CACNA1E: variants seen among roughly 807,000 people sequenced by gnomAD.
CACNA1E encodes calcium voltage-gated channel subunit alpha1 E.
CACNA1E carries 40 observed loss-of-function variants against 259.2 expected under a neutral mutation model. The observed-to-expected ratio is 0.15, with a 90% CI of 0.12 to 0.20. The LOEUF is 0.20. Among genes scored for constraint, CACNA1E ranks in the 10% least tolerant of loss-of-function variants. The pLI, the probability that CACNA1E is intolerant of heterozygous loss-of-function variation, is 1.00. For missense variants in CACNA1E, 1,874 were observed against 3,040.1 expected (o/e 0.62, Z 9.02); for synonymous variants, 1,104 against 1,138.5 (o/e 0.97, Z 0.61).
At chr1:181,617,169 G>A (rs1655296284) in intron 6 of CACNA1E, among the ~76,000 whole-genome samples, 1 of 151,584 alleles carries the variant, frequency 6.6e-6, no homozygotes, top group Admixed American at 6.6e-5. Context: ...ATTTATTTTT[G>A]TTTTTATTTA....
At position 181,806,332 on chromosome 1, in the gene CACNA1E, G is replaced by A. The variant is rs1662622927; in HGVS notation, c.*7498G>A. 6.6e-6 allele frequency: 1 copy of A among 152,210 alleles called. No individual in the cohort carries two copies. The highest frequency in any genetic ancestry group is 6.5e-5 in the Admixed American group (1 of 15,272). The allele number at this position is 152,210 out of a possible 1,614,324, so 9.4% of individuals were successfully genotyped here. A position where few individuals can be genotyped will look rare whatever the true frequency, so the allele number is the denominator to read the frequency against. ...TCAAATAACAACATTGCAAGGAGGT[G>A]GACTACAGGGTCCACACCCTCTGTC... On this transcript the variant is annotated 3_prime_UTR_variant, in exon 48 of 48. Coordinates refer to ENST00000367573, the MANE Select transcript of CACNA1E (RefSeq NM_001205293.3).
At chr1:181,692,582 G>A (rs1651277086) in intron 7 of CACNA1E, among the ~76,000 whole-genome samples, 1 of 152,132 alleles carries the variant, frequency 6.6e-6, no homozygotes, top group Non-Finnish European at 1.5e-5. Context: ...AACAATGCTG[G>A]GATAGCTGGT....
At chr1:181,355,451 G>A (rs1272423038) in intron 1 of CACNA1E, among the ~76,000 whole-genome samples, 1 of 152,150 alleles carries the variant, frequency 6.6e-6, no homozygotes, top group East Asian at 1.9e-4. Flanking sequence ...AGCAGTGCAT[G>A]ATGGCACGTG....
At chr1:181,795,560 C>A (rs1462334922) in intron 46 of CACNA1E, among the ~76,000 whole-genome samples, 1 of 151,710 alleles carries the variant, frequency 6.6e-6, no homozygotes, top group Non-Finnish European at 1.5e-5. Context: ...CCTGCCTCAG[C>A]CTCCTGAATA....
In CACNA1E at chr1:181,725,813, G is replaced by A. The variant is rs540777684; in HGVS notation, c.2143-252G>A. Among the ~76,000 whole-genome samples the A allele has an allele frequency of 1.7e-4, 26 of 152,376 alleles. No homozygotes were observed. The South Asian group carries it at 5.4e-3, about 32-fold the overall frequency. On this transcript the variant is annotated intron_variant, in intron 17 of 47. Coordinates refer to ENST00000367573, the MANE Select transcript of CACNA1E (RefSeq NM_001205293.3). ...TTCTCCTGGTTCTCATGAGCAACCT[G>A]TGGATGGCTCCAGGATGGAGACAGG...
chr1:181,790,776 G>A (rs1661233722), intron 44 of CACNA1E, among the ~76,000 whole-genome samples: 4 of 152,250 alleles, frequency 2.6e-5, no homozygotes, highest in Admixed American at 2.6e-4. Context: ...TCCCTTCCCT[G>A]CAGCAGGAAC....
At chr1:181,708,927 G>A (rs776354831) in intron 7 of CACNA1E, among the ~76,000 whole-genome samples, 4 of 152,256 alleles carry the variant, frequency 2.6e-5, no homozygotes, top group African/African-American at 9.6e-5. Flanking sequence ...AAAAGATAAC[G>A]TTGATAGTGT....
intron 6 of CACNA1E, among the ~76,000 whole-genome samples, chr1:181,586,188 T>C (rs12079233): frequency 0.7 from 105,991 of 152,032 alleles, 39,112 homozygotes; most frequent in East Asian, 0.94. Flanking sequence ...GCAAGAAGAG[T>C]GGAGTTGCCA....
At chr1:181,598,831 C>T (rs1474920155) in intron 6 of CACNA1E, among the ~76,000 whole-genome samples, 1 of 152,170 alleles carries the variant, frequency 6.6e-6, no homozygotes, top group Non-Finnish European at 1.5e-5. Context: ...TGTCTTACTT[C>T]ACGCCCTTGC....
intron 2 of CACNA1E, among the ~76,000 whole-genome samples, chr1:181,446,745 A>G (rs1390549041): frequency 6.6e-6 from 1 of 152,076 alleles, no homozygotes; most frequent in African/African-American, 2.4e-5. Context: ...GCAGATTTTC[A>G]CATGCTGGGA....
intron 7 of CACNA1E, among the ~76,000 whole-genome samples, chr1:181,675,309 C>T (rs3766981): frequency 0.56 from 84,369 of 151,942 alleles, 23,949 homozygotes; most frequent in East Asian, 0.75. Context: ...TCATGGGTGA[C>T]TGGGAGTCTA....
chr1:181,762,014 G>A (rs1658622232), intron 32 of CACNA1E, among the ~76,000 whole-genome samples: 1 of 152,206 alleles, frequency 6.6e-6, no homozygotes, highest in Non-Finnish European at 1.5e-5. Context: ...ATGGAGTTAG[G>A]AGGAGATTTT....
At chr1:181,524,861 G>A (rs971855307) in intron 3 of CACNA1E, among the ~76,000 whole-genome samples, 2 of 152,174 alleles carry the variant, frequency 1.3e-5, no homozygotes, top group Non-Finnish European at 2.9e-5. Flanking sequence ...TGCCCTGTGG[G>A]AAGGAGAGCA....
intron 11 of CACNA1E, 40 bp from the exon 12 acceptor site, chr1:181,718,015 C>A: frequency 2.0e-6 from 2 of 1,005,946 alleles, no homozygotes. Context: ...ATGAGCCCAC[C>A]CCACATGTGG....
At chr1:181,443,440 C>G (rs1660621354) in intron 2 of CACNA1E, among the ~76,000 whole-genome samples, 1 of 152,246 alleles carries the variant, frequency 6.6e-6, no homozygotes, top group Non-Finnish European at 1.5e-5. Flanking sequence ...TGTGCTCTCT[C>G]TTTGTGTCTG....
intron 6 of CACNA1E, among the ~76,000 whole-genome samples, chr1:181,583,681 G>A (rs1001331221): frequency 1.3e-5 from 2 of 152,038 alleles, no homozygotes; most frequent in Non-Finnish European, 1.5e-5. Flanking sequence ...ATTTGCTTGT[G>A]GCTTTTCTCA....
chr1:181,773,656 C>T (rs1659719259), intron 37 of CACNA1E, among the ~76,000 whole-genome samples: 1 of 152,194 alleles, frequency 6.6e-6, no homozygotes, highest in Non-Finnish European at 1.5e-5. Context: ...AGGCCCATCC[C>T]TCAGTCACCA....
rs371410648 is a variant in CACNA1E, at chr1:181,402,568, G to A, written c.-14-10565G>A. Reference sequence around the variant, plus strand: ...CAGGACTGCTGTGCCAAGCCAGAGCGTACTCCGTCCCCATGCAGTACTGTC... The same window carrying A: ...CAGGACTGCTGTGCCAAGCCAGAGCATACTCCGTCCCCATGCAGTACTGTC... On this transcript the variant is annotated intron_variant, in intron 1 of 11. Transcript: ENST00000524607. Among the ~76,000 whole-genome samples the A allele has an allele frequency of 3.3e-5, 5 of 152,190 alleles. No homozygotes were observed. The East Asian group carries it at 5.8e-4, about 18-fold the overall frequency.
intron 6 of CACNA1E, among the ~76,000 whole-genome samples, chr1:181,589,582 G>T (rs1652426912): frequency 6.6e-6 from 1 of 152,106 alleles, no homozygotes; most frequent in Admixed American, 6.5e-5. Flanking sequence ...AGCCTGGCTT[G>T]GTGGCTCACA....
Sources: allele counts gnomAD v4.1 joint callset (sites outside exome capture counted in the v4.1 genomes callset), GRCh38; gene constraint gnomAD v4.1.1; transcripts MANE v1.5; gene names NCBI Gene and HGNC (gene_info 2026-07-23, HGNC 2026-07-21).